EPS8: variants seen among roughly 807,000 people sequenced by gnomAD.
The protein encoded by EPS8 is epidermal growth factor receptor kinase substrate 8.
EPS8 carries 42 observed loss-of-function variants against 103.8 expected under a neutral mutation model. The ratio of observed to expected loss-of-function variants is 0.40; its 90% CI spans 0.32 to 0.52. The LOEUF is 0.52. Ranked by LOEUF, EPS8 falls within the 20% of genes least tolerant of loss-of-function variation. The pLI, the probability that EPS8 is intolerant of heterozygous loss-of-function variation, is 0.40. For missense variants in EPS8, 969 were observed against 1,005.1 expected (o/e 0.96, Z 0.49); for synonymous variants, 344 against 344.6 (o/e 1.00, Z 0.02).
chr12:15,621,522 G>A, intron 20 of EPS8, 92 bp from the exon 21 acceptor site: 1 of 665,090 alleles, frequency 1.5e-6, no homozygotes, highest in South Asian at 2.0e-5. Context: ...TTCTACTGTG[G>A]TTTTCTTCTA....
intron 18 of EPS8, among the ~76,000 whole-genome samples, chr12:15,631,125 A>C (rs1327841919): frequency 6.6e-6 from 1 of 152,160 alleles, no homozygotes; most frequent in Admixed American, 6.5e-5. Context: ...AGGATAATTA[A>C]ATCATTGAAG....
chr12:15,633,558 CAA>C (rs1945085400), intron 17 of EPS8, among the ~76,000 whole-genome samples: 1 of 152,180 alleles, frequency 6.6e-6, no homozygotes, highest in Non-Finnish European at 1.5e-5. Context: ...AGCCTGAAAA[CAA>C]ACTCACCAAA....
intron 1 of EPS8, among the ~76,000 whole-genome samples, chr12:15,766,307 G>T (rs1237478538): frequency 1.3e-5 from 2 of 150,856 alleles, no homozygotes; most frequent in African/African-American, 4.9e-5. Context: ...GTGAAACCCC[G>T]TCTCTACTAA....
In EPS8 at chr12:15,663,947, TA is replaced by T. The variant is rs1945658286; in HGVS notation, c.736+1808del. Among the ~76,000 whole-genome samples, 7 of 5,522 alleles carry T rather than the reference TA, an allele frequency of 1.3e-3. 1 individual carries two copies. Among genetic ancestry groups the T allele is most frequent in the African/African-American group, 2.9e-3 (6 of 2,038 alleles). 3.6% of individuals were successfully genotyped at this position (5,522 alleles called of 152,430 possible). On this transcript the variant is annotated intron_variant, in intron 8 of 20. Transcript: ENST00000281172. ...AAAAAAAAAAAAAAAAAAAAAAAAA[TA>T]ATATATATATATATATATATATATA...
chr12:15,770,288 CAA>C (rs367721789), intron 1 of EPS8, among the ~76,000 whole-genome samples: 9 of 119,828 alleles, frequency 7.5e-5, no homozygotes, highest in Non-Finnish European at 1.3e-4. Flanking sequence ...GACCCTGTCT[CAA>C]AAAAAAAAAA....
chr12:15,644,697 CAAA>C (rs10559403), intron 15 of EPS8, among the ~76,000 whole-genome samples: 6 of 122,122 alleles, frequency 4.9e-5, no homozygotes, highest in Non-Finnish European at 5.3e-5. Flanking sequence ...GACTCTGTCT[CAAA>C]AAAAAAAAAA....
At chr12:15,626,405 C>A (rs61908092) in intron 18 of EPS8, among the ~76,000 whole-genome samples, 1 of 151,730 alleles carries the variant, frequency 6.6e-6, no homozygotes, top group Admixed American at 6.6e-5. Flanking sequence ...CTGAGGCAGG[C>A]GGATCACAAG....
At chr12:15,788,434 G>A (rs7976944) in intron 1 of EPS8, among the ~76,000 whole-genome samples, 1 of 152,026 alleles carries the variant, frequency 6.6e-6, no homozygotes, top group African/African-American at 2.4e-5. Flanking sequence ...AACACTGCCG[G>A]AGAACGGTCG....
Position 15,669,500 on chromosome 12 carries a change from G to A in EPS8, c.403C>T (p.His135Tyr). 1.2e-6 allele frequency: 2 copies of A among 1,609,712 alleles called. No individual in the cohort carries two copies. The highest frequency in any genetic ancestry group is 1.7e-6 in the Non-Finnish European group (2 of 1,178,588). ...LENFPLNTIQ[H>Y]CQAVMHSCSY... ...CATGAATGCATCACAGCTTGGCAGT[G>A]CTGGATTGTGTTTAAAGGAAAATTC... Residue 135 changes from histidine (H) to tyrosine (Y), a missense_variant, in exon 6 of 21, where the codon CAC (histidine) becomes TAC (tyrosine). Transcript: ENST00000281172.
intron 1 of EPS8, among the ~76,000 whole-genome samples, chr12:15,715,442 G>T (rs1360213337): frequency 7.7e-6 from 1 of 130,372 alleles, no homozygotes; most frequent in Non-Finnish European, 1.6e-5. Flanking sequence ...GCCCAGGCTG[G>T]AGTGTGCAGT....
intron 3 of EPS8, among the ~76,000 whole-genome samples, chr12:15,676,542 C>G (rs1945911763): frequency 6.6e-6 from 1 of 152,086 alleles, no homozygotes; most frequent in Admixed American, 6.5e-5. Flanking sequence ...TATGCATGAT[C>G]CTTTGTCCCC....
chr12:15,669,308 TATATTATCAAAATAGGTAATTCAA>T (rs1945770269), intron 6 of EPS8, 55 bp downstream of exon 6: 127 of 1,299,558 alleles, frequency 9.8e-5, no homozygotes, highest in Non-Finnish European at 1.3e-4. Flanking sequence ...AATATGCAGA[TATATTATCAAAATAGGTAATTCAA>T]AAGCTCCCAG....
At chr12:15,633,957 G>T (rs1246450779) in intron 17 of EPS8, among the ~76,000 whole-genome samples, 1 of 152,216 alleles carries the variant, frequency 6.6e-6, no homozygotes, top group Admixed American at 6.5e-5. Context: ...CCCAACTACT[G>T]TTCTTCCTTT....
At chr12:15,753,785 A>C (rs1294783100) in intron 1 of EPS8, among the ~76,000 whole-genome samples, 2 of 152,244 alleles carry the variant, frequency 1.3e-5, no homozygotes, top group Non-Finnish European at 1.5e-5. Flanking sequence ...TATGGTGTTA[A>C]ATAAATTCCA....
At chr12:15,742,665 T>C (rs1345453048) in intron 1 of EPS8, among the ~76,000 whole-genome samples, 3 of 152,164 alleles carry the variant, frequency 2.0e-5, no homozygotes, top group Non-Finnish European at 4.4e-5. Flanking sequence ...AAAAACCACA[T>C]GATTATCTCA....
chr12:15,654,085 T>C, intron 13 of EPS8, 60 bp downstream of exon 13: 1 of 1,478,582 alleles, frequency 6.8e-7, no homozygotes, highest in Middle Eastern at 1.7e-4. Flanking sequence ...AAATGTCTCA[T>C]TAGATCCATG....
In EPS8 at chr12:15,739,461, T is replaced by C. The variant is rs528792633; in HGVS notation, c.-22+49700A>G. 4.6e-5 allele frequency among the ~76,000 whole-genome samples: 7 copies of C among 152,220 alleles called. No individual in the cohort carries two copies. The South Asian group carries it at 1.5e-3, about 32-fold the overall frequency. The stretch of plus-strand genomic sequence containing the variant: ...GGGGAGGAGGATCTGCTGCCCTGAA[T>C]GTGGATGGGCACCCATCCAATCGAC... On this transcript the variant is annotated intron_variant, in intron 1 of 20. Coordinates refer to ENST00000281172, the MANE Select transcript of EPS8 (RefSeq NM_004447.6).
intron 18 of EPS8, among the ~76,000 whole-genome samples, chr12:15,626,542 T>A (rs560442113): frequency 1.3e-5 from 2 of 148,604 alleles, no homozygotes; most frequent in East Asian, 4.0e-4. Context: ...GGCAGGAGAA[T>A]CTCTTGAACC....
intron 8 of EPS8, 112 bp downstream of exon 8, chr12:15,665,644 T>A: frequency 7.2e-7 from 1 of 1,392,564 alleles, no homozygotes; most frequent in Non-Finnish European, 1.0e-6. Flanking sequence ...GTTGATTTTT[T>A]AAAAACTAAC....
Sources: gnomAD v4.1 joint callset for allele counts (sites outside exome capture counted in the v4.1 genomes callset) on GRCh38, gnomAD v4.1.1 for gene constraint, MANE v1.5 for transcripts, NCBI Gene and HGNC (gene_info 2026-07-23, HGNC 2026-07-21) for gene names.